The following TDRD1 variants were observed in gnomAD, a reference collection of about 807,000 sequenced individuals.
The protein encoded by TDRD1 is tudor domain-containing protein 1.
In TDRD1, 37 loss-of-function variants were observed where a neutral mutation model predicts 140.6. The ratio of observed to expected loss-of-function variants is 0.26; its 90% CI spans 0.20 to 0.35. The LOEUF is 0.35. Among genes scored for constraint, TDRD1 ranks in the 10% least tolerant of loss-of-function variants. The pLI is 1.00. For synonymous variants in TDRD1, 506 were observed against 475.7 expected (o/e 1.06, Z -0.83); for missense variants, 1,243 against 1,393.0 (o/e 0.89, Z 1.71).
In TDRD1 at chr10:114,228,242, G is replaced by C. The variant is rs563757024; in HGVS notation, c.3538+117G>C. ...AAACCTATTGTAAGGCTGTACTTTC[G>C]TGATTTAATGACCTGAGGTTTGGTC... is the stretch of plus-strand genomic sequence containing the variant. On this transcript the variant is annotated intron_variant, in intron 25 of 25. Transcript: ENST00000251864. The C allele has an allele frequency of 2.8e-6, 4 of 1,441,388 alleles. No homozygotes were observed. In the African/African-American group the frequency reaches 5.8e-5, roughly 21 times the overall value. The allele number at this position is 1,441,388 out of a possible 1,614,324, so 89.3% of individuals were successfully genotyped here. A position where few individuals can be genotyped will look rare whatever the true frequency, so the allele number is the denominator to read the frequency against.
At chr10:114,196,831 G>GTTTTTTT (rs1301969120) in intron 3 of TDRD1, among the ~76,000 whole-genome samples, 9 of 57,126 alleles carry the variant, frequency 1.6e-4, no homozygotes, top group African/African-American at 2.1e-4. Flanking sequence ...GTTTCTAGCA[G>GTTTTTTT]TCTTTTTTTT....
chr10:114,222,052 T>TG (rs1274457229), intron 20 of TDRD1, among the ~76,000 whole-genome samples: 1 of 152,214 alleles, frequency 6.6e-6, no homozygotes, highest in Non-Finnish European at 1.5e-5. Context: ...CTTTTAAAGC[T>TG]GAAAAAATGA....
At chr10:114,213,866 A>C in intron 15 of TDRD1, 111 bp from the exon 16 acceptor site, 2 of 926,972 alleles carry the variant, frequency 2.2e-6, no homozygotes, top group Non-Finnish European at 3.3e-6. Flanking sequence ...CTATAAAGGC[A>C]CTTAAAAAGT....
rs897766184 is a variant in TDRD1 at position 114,221,303 on chromosome 10, A to G, written c.2771-54A>G. 5.2e-6 allele frequency: 8 copies of G among 1,552,344 alleles called. No individual in the cohort carries two copies. The Admixed American group carries it at 5.4e-5, about 11-fold the overall frequency. On this transcript the variant is annotated intron_variant, in intron 19 of 25. Transcript: ENST00000251864. ...TGAATTAAATATGTTACTGAGGAAA[A>G]CAACAGTACATTTTTTTTATTCCGT...
intron 1 of TDRD1, among the ~76,000 whole-genome samples, chr10:114,185,609 C>A (rs139360833): frequency 6.6e-6 from 1 of 151,924 alleles, no homozygotes; most frequent in Non-Finnish European, 1.5e-5. Flanking sequence ...TATTTCAAGG[C>A]GGAGTTTTGC....
intron 2 of TDRD1, among the ~76,000 whole-genome samples, chr10:114,190,568 A>G (rs1391577456): frequency 6.6e-6 from 1 of 152,150 alleles, no homozygotes; most frequent in Non-Finnish European, 1.5e-5. Context: ...GCTCACTGAA[A>G]CCTCCGCCTC....
At chr10:114,225,981 A>G (rs1020028465) in intron 21 of TDRD1, 68 bp from the exon 22 acceptor site, 23 of 1,320,474 alleles carry the variant, frequency 1.7e-5, no homozygotes, top group Non-Finnish European at 2.4e-5. Context: ...ATAACTATGA[A>G]TAGCCATCTT....
Position 114,199,169 on chromosome 10 carries a change from A to G in TDRD1, c.385-4A>G. 1 of 1,607,774 alleles carries G rather than the reference A, an allele frequency of 6.2e-7. No individual in the cohort carries two copies. Among genetic ancestry groups the G allele is most frequent in the East Asian group, 2.2e-5 (1 of 44,848 alleles). On this transcript the variant is annotated splice_polypyrimidine_tract_variant and splice_region_variant and intron_variant, in intron 3 of 25. Transcript: ENST00000251864. ...CTAACATTGCTCTTCTTTGTTCTTA[A>G]TAGAAGCCTGGAAATAATGTACGTC...
chr10:114,190,918 G>T, intron 2 of TDRD1, 43 bp from the exon 3 acceptor site: 1 of 1,579,746 alleles, frequency 6.3e-7, no homozygotes, highest in South Asian at 1.1e-5. Context: ...GCAATAAAAA[G>T]TATTATTTGG....
intron 15 of TDRD1, 62 bp downstream of exon 15, chr10:114,213,650 A>G (rs1188849398): frequency 6.9e-7 from 1 of 1,445,850 alleles, no homozygotes; most frequent in Non-Finnish European, 9.5e-7. Context: ...ATAAATAAAT[A>G]GTTTCTTGTA....
intron 20 of TDRD1, among the ~76,000 whole-genome samples, chr10:114,221,797 G>A (rs1184758214): frequency 1.3e-5 from 2 of 152,076 alleles, no homozygotes; most frequent in Admixed American, 6.6e-5. Context: ...TAGATATATC[G>A]AAAGACTTTG....
intron 19 of TDRD1, 122 bp downstream of exon 19, chr10:114,220,965 G>A: frequency 1.6e-6 from 1 of 640,886 alleles, no homozygotes; most frequent in East Asian, 2.7e-5. Flanking sequence ...ACATAGATTA[G>A]TAGGTTAATA....
rs1589683990 is a variant in TDRD1, at chr10:114,204,060, A to G, written c.982-13A>G. 6.3e-7 allele frequency: 1 copy of G among 1,596,180 alleles called. No homozygotes were observed. The highest frequency in any genetic ancestry group is 1.8e-5 in the Admixed American group (1 of 54,414). ...CTGTTATGAAGCAGAGTACCATTAT[A>G]TTTCACTTTCAGACCTGGAACAGAG... is the stretch of plus-strand genomic sequence containing the variant. On this transcript the variant is annotated splice_polypyrimidine_tract_variant and intron_variant, in intron 8 of 25. Coordinates refer to ENST00000251864, the Ensembl canonical transcript of TDRD1.
chr10:114,178,139 A>G (rs1393713856), upstream of TDRD1, among the ~76,000 whole-genome samples: 1 of 152,134 alleles, frequency 6.6e-6, no homozygotes, highest in Non-Finnish European at 1.5e-5. Context: ...CCCCACGCCC[A>G]GTCAGCACTT....
rs1489941960 is a variant in TDRD1 at position 114,191,087 on chromosome 10, AAAG to A, written c.384+72_384+74del. 17 of 1,496,300 alleles carry A rather than the reference AAAG, an allele frequency of 1.1e-5. No homozygotes were observed. The Admixed American group carries it at 2.9e-4, about 26-fold the overall frequency. The allele number at this position is 1,496,300 out of a possible 1,614,324, so 92.7% of individuals were successfully genotyped here. ...TCTAAACATGTTTTATTTATTTAAT[AAAG>A]AAGTGTTCAATTTGTAGGTATCATT... On this transcript the variant is annotated intron_variant, in intron 3 of 25. Coordinates refer to ENST00000251864, the Ensembl canonical transcript of TDRD1.
chr10:114,189,821 C>G (rs148897800), intron 2 of TDRD1, among the ~76,000 whole-genome samples: 314 of 152,342 alleles, frequency 2.1e-3, no homozygotes, highest in African/African-American at 7.2e-3. Context: ...CTGCATATAA[C>G]TCAATGAACC....
At chr10:114,179,038 A>T (rs1299253275), upstream of TDRD1, among the ~76,000 whole-genome samples, 3 of 152,248 alleles carry the variant, frequency 2.0e-5, no homozygotes, top group Non-Finnish European at 4.4e-5. Flanking sequence ...AAGACCTTTA[A>T]GTGGCCACGG....
intron 11 of TDRD1, 25 bp downstream of exon 11, chr10:114,206,355 G>A (rs747985745): frequency 3.2e-6 from 5 of 1,582,246 alleles, no homozygotes; most frequent in African/African-American, 2.7e-5. Context: ...ATATTGAACG[G>A]TATAGCGACT....
intron 1 of TDRD1, among the ~76,000 whole-genome samples, chr10:114,180,968 C>G (rs1368858661): frequency 6.6e-6 from 1 of 152,024 alleles, no homozygotes; most frequent in African/African-American, 2.4e-5. Flanking sequence ...TCTTAGGAAG[C>G]CCCCAGCAAC....
Sources: allele counts gnomAD v4.1 joint callset (sites outside exome capture counted in the v4.1 genomes callset), GRCh38; gene constraint gnomAD v4.1.1; transcripts MANE v1.5; gene names NCBI Gene and HGNC (gene_info 2026-07-23, HGNC 2026-07-21).